PLA2G2C: variants seen among roughly 807,000 people sequenced by gnomAD.
PLA2G2C encodes the protein phospholipase A2 group IIC.
PLA2G2C carries 15 observed loss-of-function variants against 14.3 expected under a neutral mutation model. That is an observed-to-expected ratio of 1.05 (90% CI 0.70 to 1.62). PLA2G2C has a LOEUF of 1.62. Among genes scored for constraint, PLA2G2C ranks in the 40% most tolerant of loss-of-function variants. The pLI is 0.00. For synonymous variants in PLA2G2C, 79 were observed against 67.7 expected (o/e 1.17, Z -0.82); for missense variants, 162 against 173.2 (o/e 0.94, Z 0.36).
At chr1:20,164,204 G>T (rs751565621) in intron 4 of PLA2G2C, 47 bp from the exon 5 acceptor site, 1 of 1,576,108 alleles carries the variant, frequency 6.3e-7, no homozygotes, top group Non-Finnish European at 8.6e-7. Flanking sequence ...CCAGCCCCAG[G>T]GTTTGGTTCT....
intron 1 of PLA2G2C, among the ~76,000 whole-genome samples, chr1:20,180,769 A>G (rs1249393729): frequency 3.3e-5 from 5 of 152,240 alleles, no homozygotes; most frequent in Admixed American, 3.3e-4. Context: ...CCGAGGCTTG[A>G]TGAGGGGCAA....
chr1:20,176,525 C>T (rs1007756390), intron 2 of PLA2G2C, among the ~76,000 whole-genome samples: 33 of 152,120 alleles, frequency 2.2e-4, no homozygotes, highest in African/African-American at 6.3e-4. Context: ...TCAGTCTAAA[C>T]GGGGGTGTGG....
In PLA2G2C at chr1:20,179,623, C is replaced by CTG. The variant is rs113566701; in HGVS notation, c.-76-2186_-76-2185dup. On this transcript the variant is annotated intron_variant, in intron 1 of 4. Transcript: ENST00000679259. ...TCAGCTTCTCCCTCTGTGTCAGTTT[C>CTG]TGTGTGTGTGTGTGTGTTAGCTTGT... Among the ~76,000 whole-genome samples, 86 of 140,138 alleles carry CTG rather than the reference C, an allele frequency of 6.1e-4. 3 individuals carry two copies. Among genetic ancestry groups the CTG allele is most frequent in the East Asian group, 1.3e-3 (6 of 4,534 alleles). 91.9% of individuals were successfully genotyped at this position (140,138 alleles called of 152,430 possible).
intron 2 of PLA2G2C, among the ~76,000 whole-genome samples, 178 bp downstream of exon 2, chr1:20,177,146 C>A (rs763000213): frequency 4.6e-5 from 7 of 152,154 alleles, no homozygotes; most frequent in African/African-American, 1.7e-4. Context: ...CTGGGATCAG[C>A]CCATTTTATA....
At position 20,163,850 on chromosome 1, in the gene PLA2G2C, A is replaced by G; in HGVS notation, c.*141T>C. On this transcript the variant is annotated 3_prime_UTR_variant, in exon 5 of 5. Transcript: ENST00000679259. ...GGAGTCCCCTTGGTCAGAATGCTGAAGGGTGAGCTGCCCTGCGGGAGACAT... is the reference window on the plus strand; with the variant it reads ...GGAGTCCCCTTGGTCAGAATGCTGAGGGGTGAGCTGCCCTGCGGGAGACAT... The G allele has an allele frequency of 2.1e-6, 2 of 942,754 alleles. No homozygotes were observed. Among genetic ancestry groups the G allele is most frequent in the Non-Finnish European group, 3.1e-6 (2 of 649,794 alleles). 58.4% of individuals were successfully genotyped at this position (942,754 alleles called of 1,614,324 possible).
chr1:20,178,381 G>A (rs114357855), intron 1 of PLA2G2C, among the ~76,000 whole-genome samples: 3,334 of 152,258 alleles, frequency 0.022, 47 homozygotes, highest in Non-Finnish European at 0.033. Flanking sequence ...GCAGAGCTTG[G>A]GCTAGATTTA....
chr1:20,179,961 CGT>C (rs1211796133), intron 1 of PLA2G2C, among the ~76,000 whole-genome samples: 2 of 149,576 alleles, frequency 1.3e-5, no homozygotes, highest in Admixed American at 6.6e-5. Context: ...GCTTCTCCCT[CGT>C]GTGTCAGTTT....
At chr1:20,183,196 C>A (rs150969989) in intron 1 of PLA2G2C, among the ~76,000 whole-genome samples, 1 of 152,352 alleles carries the variant, frequency 6.6e-6, no homozygotes, top group Non-Finnish European at 1.5e-5. Context: ...GCACAACAAT[C>A]CTGTGCTTAT....
At chr1:20,181,303 C>A (rs1330369120) in intron 1 of PLA2G2C, among the ~76,000 whole-genome samples, 1 of 152,100 alleles carries the variant, frequency 6.6e-6, no homozygotes, top group Non-Finnish European at 1.5e-5. Context: ...ACAATAACTG[C>A]AACCCCTTGA....
chr1:20,183,825 C>T (rs1472439044), intron 1 of PLA2G2C, among the ~76,000 whole-genome samples: 2 of 152,096 alleles, frequency 1.3e-5, no homozygotes, highest in African/African-American at 2.4e-5. Context: ...TGGCTGCAGC[C>T]CAGGGAGAGA....
intron 1 of PLA2G2C, among the ~76,000 whole-genome samples, chr1:20,181,549 C>G (rs1469814900): frequency 6.8e-6 from 1 of 146,544 alleles, no homozygotes; most frequent in Non-Finnish European, 1.5e-5. Flanking sequence ...CGTGCCTATC[C>G]AAAACACCAC....
At chr1:20,176,396 A>C (rs977623744) in intron 2 of PLA2G2C, among the ~76,000 whole-genome samples, 2 of 152,172 alleles carry the variant, frequency 1.3e-5, no homozygotes, top group African/African-American at 4.8e-5. Flanking sequence ...TTTACTTTTT[A>C]ACTATAAGCA....
intron 4 of PLA2G2C, among the ~76,000 whole-genome samples, chr1:20,169,506 G>T (rs567614027): frequency 6.6e-6 from 1 of 152,298 alleles, no homozygotes; most frequent in African/African-American, 2.4e-5. Context: ...TCCATAAGGG[G>T]TTACTGACCA....
chr1:20,170,824 G>C (rs1416838610), intron 4 of PLA2G2C, among the ~76,000 whole-genome samples: 1 of 141,464 alleles, frequency 7.1e-6, no homozygotes, highest in African/African-American at 2.7e-5. Flanking sequence ...TGCTCTGAAG[G>C]GGCAACGTGG....
At position 20,175,006 on chromosome 1, in the gene PLA2G2C, C is replaced by G. The variant is rs764795060; in HGVS notation, c.179+1G>C. ...AGTGGCCTTAGAGCCTCTGCACCCACCTGTCAGTGTCATCCACGGGGATCC... is the reference window on the plus strand; with the variant it reads ...AGTGGCCTTAGAGCCTCTGCACCCAGCTGTCAGTGTCATCCACGGGGATCC... On this transcript the variant is annotated splice_donor_variant, in intron 3 of 4. Transcript: ENST00000679259. LOFTEE classifies it high-confidence loss of function. The G allele has an allele frequency of 2.5e-6, 4 of 1,610,560 alleles. No individual in the cohort carries two copies. Among genetic ancestry groups the G allele is most frequent in the African/African-American group, 2.7e-5 (2 of 73,060 alleles).
chr1:20,171,095 C>A (rs2018065575), intron 4 of PLA2G2C, among the ~76,000 whole-genome samples: 1 of 141,528 alleles, frequency 7.1e-6, no homozygotes, highest in Non-Finnish European at 1.5e-5. Context: ...GAGGCTTGGG[C>A]TGGGCCAGCC....
At chr1:20,177,226 G>C in intron 2 of PLA2G2C, 98 bp downstream of exon 2, 2 of 697,926 alleles carry the variant, frequency 2.9e-6, no homozygotes, top group South Asian at 3.0e-5. Flanking sequence ...CGGGACTTGT[G>C]ACTTCCCTCA....
intron 2 of PLA2G2C, 151 bp from the exon 3 acceptor site, chr1:20,175,296 C>T: frequency 8.8e-7 from 1 of 1,140,862 alleles, no homozygotes; most frequent in Non-Finnish European, 1.3e-6. Flanking sequence ...GAATCACCAG[C>T]CTCTTTCCTG....
chr1:20,164,247 G>T, intron 4 of PLA2G2C, 90 bp from the exon 5 acceptor site: 1 of 1,344,596 alleles, frequency 7.4e-7, no homozygotes. Context: ...TCACTGTAAG[G>T]GGCCAAGGGT....
Sources: gnomAD v4.1 joint callset for allele counts (sites outside exome capture counted in the v4.1 genomes callset) on GRCh38, gnomAD v4.1.1 for gene constraint, MANE v1.5 for transcripts, NCBI Gene and HGNC (gene_info 2026-07-23, HGNC 2026-07-21) for gene names.